The following DACH1 variants were observed in gnomAD, a reference collection of about 807,000 sequenced individuals.
DACH1 encodes dachshund homolog 1.
Under a neutral mutation model 54.2 loss-of-function variants are expected in DACH1, and 12 were observed. The ratio of observed to expected loss-of-function variants is 0.22; its 90% CI spans 0.14 to 0.36. The LOEUF is 0.36. Among genes scored for constraint, DACH1 ranks in the 10% least tolerant of loss-of-function variants. The pLI is 1.00. For synonymous variants in DACH1, 386 were observed against 366.2 expected (o/e 1.05, Z -0.62); for missense variants, 805 against 929.8 (o/e 0.87, Z 1.75).
intron 1 of DACH1, among the ~76,000 whole-genome samples, chr13:71,824,244 T>C (rs1192626647): frequency 6.6e-6 from 1 of 151,850 alleles, no homozygotes; most frequent in Non-Finnish European, 1.5e-5. Context: ...TTATTGGTAT[T>C]ATTATTATTT....
intron 2 of DACH1, among the ~76,000 whole-genome samples, chr13:71,636,244 G>C (rs994408097): frequency 6.6e-6 from 1 of 152,074 alleles, no homozygotes; most frequent in Non-Finnish European, 1.5e-5. Flanking sequence ...AAAACACATT[G>C]CATAAAAGTA....
At position 71,634,451 on chromosome 13, in the gene DACH1, G is replaced by T. The variant is rs144324075; in HGVS notation, c.965-3734C>A. ...CATAGGCCTTCTTTCCTTTTCACTA[G>T]CAAACGACTTCATTCCTTCTTTTAA... On this transcript the variant is annotated intron_variant, in intron 2 of 10. Coordinates refer to ENST00000613252, the MANE Select transcript of DACH1 (RefSeq NM_080759.6). Among the ~76,000 whole-genome samples, 397 of 152,128 alleles carry T rather than the reference G, an allele frequency of 2.6e-3. 2 individuals carry two copies. Among genetic ancestry groups the T allele is most frequent in the African/African-American group, 8.8e-3 (367 of 41,512 alleles).
chr13:71,754,341 A>G (rs549095154), intron 1 of DACH1, among the ~76,000 whole-genome samples: 1 of 152,278 alleles, frequency 6.6e-6, no homozygotes, highest in African/African-American at 2.4e-5. Context: ...CCAACTACAA[A>G]TAATAATTTA....
At chr13:71,788,475 T>A (rs1255647117) in intron 1 of DACH1, among the ~76,000 whole-genome samples, 1 of 152,088 alleles carries the variant, frequency 6.6e-6, no homozygotes, top group Non-Finnish European at 1.5e-5. Context: ...ATATAACGAA[T>A]CAAATAATTT....
chr13:71,652,422 C>A (rs1204159331), intron 2 of DACH1, among the ~76,000 whole-genome samples: 1 of 152,100 alleles, frequency 6.6e-6, no homozygotes, highest in Non-Finnish European at 1.5e-5. Flanking sequence ...CTTAGGCTTT[C>A]ATAACCTGTC....
chr13:71,829,348 G>A (rs532730339), intron 1 of DACH1, among the ~76,000 whole-genome samples: 3 of 151,868 alleles, frequency 2.0e-5, no homozygotes, highest in African/African-American at 4.8e-5. Flanking sequence ...AAATAGAATA[G>A]AATGACTTTG....
chr13:71,767,280 A>G (rs887123721), intron 1 of DACH1, among the ~76,000 whole-genome samples: 4 of 152,060 alleles, frequency 2.6e-5, no homozygotes, highest in African/African-American at 9.7e-5. Context: ...TTTTATTAAA[A>G]CTGTTATAAG....
chr13:71,622,621 T>C (rs1239132847), intron 3 of DACH1, among the ~76,000 whole-genome samples: 1 of 151,894 alleles, frequency 6.6e-6, no homozygotes, highest in Non-Finnish European at 1.5e-5. Context: ...AGCATGTTTT[T>C]GTAGGTTGAT....
chr13:71,541,791 T>C (rs759456148), intron 6 of DACH1, among the ~76,000 whole-genome samples: 1 of 152,100 alleles, frequency 6.6e-6, no homozygotes, highest in Non-Finnish European at 1.5e-5. Context: ...ATTTCAATTA[T>C]ATTAATTTTA....
Position 71,557,155 on chromosome 13 carries a change from A to G in DACH1, c.1439T>C (p.Val480Ala). ...RTESSSDRIPVHQNGLSMNQM... is the reference protein window; with the variant it reads ...RTESSSDRIPAHQNGLSMNQM... ...GTTCATGGACAACCCATTCTGATGGACCGCTATTATGGCCCAAAAGAAAAC... is the reference window on the plus strand; with the variant it reads ...GTTCATGGACAACCCATTCTGATGGGCCGCTATTATGGCCCAAAAGAAAAC... The change falls in exon 6 of 11, where the codon GTC becomes GCC. Residue 480 changes from valine to alanine, a missense_variant. Val to Ala is a moderately conservative substitution (Grantham distance 64, BLOSUM62 0). This residue lies in a region of DACH1 where 472 missense variants were observed against 545.3 expected (regional missense o/e 0.87). Transcript: ENST00000613252. 1 of 1,603,464 alleles carries G rather than the reference A, an allele frequency of 6.2e-7. No homozygotes were observed. The highest frequency in any genetic ancestry group is 8.5e-7 in the Non-Finnish European group (1 of 1,176,358).
Position 71,492,811 on chromosome 13 carries a change from A to C in DACH1, c.1571-3663T>G, listed in dbSNP as rs1405696736. 2.0e-5 allele frequency among the ~76,000 whole-genome samples: 3 copies of C among 151,330 alleles called. No homozygotes were observed. In the Admixed American group the frequency reaches 2.0e-4, roughly 10 times the overall value. On this transcript the variant is annotated intron_variant, in intron 6 of 10. Transcript: ENST00000613252. ...GAGGGAGGGTGCATATGTTTGAACC[A>C]TCTTCCCCAATTAAGCCTTAAGATT...
At chr13:71,477,554 A>G (rs2138178835) in intron 8 of DACH1, among the ~76,000 whole-genome samples, 1 of 152,272 alleles carries the variant, frequency 6.6e-6, no homozygotes, top group African/African-American at 2.4e-5. Flanking sequence ...ATTGAAACTG[A>G]TTTTAAACGT....
chr13:71,494,759 C>T (rs1215023649), intron 6 of DACH1, among the ~76,000 whole-genome samples: 2 of 151,796 alleles, frequency 1.3e-5, no homozygotes, highest in Non-Finnish European at 2.9e-5. Context: ...ATTATAACAA[C>T]ATACAGTCAA....
intron 1 of DACH1, among the ~76,000 whole-genome samples, chr13:71,846,948 A>G (rs1015333989): frequency 6.6e-6 from 1 of 152,150 alleles, no homozygotes; most frequent in Non-Finnish European, 1.5e-5. Context: ...CTGCTAATAC[A>G]TATACTCTTA....
chr13:71,731,949 T>C (rs1883768759), intron 1 of DACH1, among the ~76,000 whole-genome samples: 1 of 152,170 alleles, frequency 6.6e-6, no homozygotes, highest in South Asian at 2.1e-4. Context: ...AGCTTGAGAG[T>C]AGTCAACTAA....
intron 1 of DACH1, among the ~76,000 whole-genome samples, chr13:71,699,334 C>T (rs1415076553): frequency 6.6e-6 from 1 of 152,212 alleles, no homozygotes; most frequent in African/African-American, 2.4e-5. Flanking sequence ...ACTTACACTT[C>T]CAAGCAGTCA....
rs957614530 is a variant in DACH1, at chr13:71,571,323, C to A, written c.1299+1517G>T. 2.6e-5 allele frequency among the ~76,000 whole-genome samples: 4 copies of A among 152,008 alleles called. No homozygotes were observed. The South Asian group carries it at 8.3e-4, about 31-fold the overall frequency. On this transcript the variant is annotated intron_variant, in intron 4 of 10. Coordinates refer to ENST00000613252, the MANE Select transcript of DACH1 (RefSeq NM_080759.6). ...TGGGAAGACTTAAATGGGTTTTTCC[C>A]TCCGCCAAACTCCTCTTCTAGATAA... is the stretch of plus-strand genomic sequence containing the variant.
At chr13:71,470,494 A>G (rs924381981) in intron 10 of DACH1, among the ~76,000 whole-genome samples, 17 of 151,746 alleles carry the variant, frequency 1.1e-4, no homozygotes, top group African/African-American at 3.6e-4. Context: ...TGCCCGGCCC[A>G]TTTCTTACAT....
At chr13:71,763,117 T>G (rs1885473229) in intron 1 of DACH1, among the ~76,000 whole-genome samples, 1 of 152,224 alleles carries the variant, frequency 6.6e-6, no homozygotes. Flanking sequence ...CTTATTTAGT[T>G]GCTAGTTTTG....
Sources: gnomAD v4.1 joint callset for allele counts (sites outside exome capture counted in the v4.1 genomes callset) on GRCh38, gnomAD v4.1.1 for gene constraint, gnomAD v4.1.1 regional missense constraint, MANE v1.5 for transcripts, NCBI Gene and HGNC (gene_info 2026-07-23, HGNC 2026-07-21) for gene names.